STN1: variants seen among roughly 807,000 people sequenced by gnomAD.
The protein encoded by STN1 is CST complex subunit STN1.
Under a neutral mutation model 45.5 loss-of-function variants are expected in STN1, and 29 were observed. The observed-to-expected ratio is 0.64, with a 90% CI of 0.47 to 0.87. The LOEUF is 0.87. Among genes scored for constraint, STN1 ranks in the 40% least tolerant of loss-of-function variants. The probability of loss-of-function intolerance (pLI) is 0.00; values close to 1 mark genes in which losing one functional copy is unlikely to be tolerated. For missense variants in STN1, 376 were observed against 441.4 expected (o/e 0.85, Z 1.33); for synonymous variants, 148 against 159.0 (o/e 0.93, Z 0.52).
chr10:103,892,393 G>A lies in STN1; in HGVS notation c.754-141C>T, dbSNP rs974684601. ...AGTCAAAAAGATCCTGGTATGTACC[G>A]GCCTAGCAGGATGGTATTTAAGGAG... On this transcript the variant is annotated intron_variant, in intron 7 of 9. Transcript: ENST00000224950. 23 of 685,068 alleles carry A rather than the reference G, an allele frequency of 3.4e-5. 1 individual carries two copies. The highest frequency in any genetic ancestry group is 4.9e-4 in the Middle Eastern group (2 of 4,050). 42.4% of individuals were successfully genotyped at this position (685,068 alleles called of 1,614,324 possible). A position where few individuals can be genotyped will look rare whatever the true frequency, so the allele number is the denominator to read the frequency against.
At chr10:103,906,975 T>C (rs1843245475) in intron 3 of STN1, among the ~76,000 whole-genome samples, 1 of 152,202 alleles carries the variant, frequency 6.6e-6, no homozygotes, top group Non-Finnish European at 1.5e-5. Context: ...TTGTGAAATG[T>C]AAGCCAGGTG....
chr10:103,877,899 A>C lies in STN1; in HGVS notation c.*4785T>G, dbSNP rs536874342. 6.6e-6 allele frequency: 1 copy of C among 152,280 alleles called. No homozygotes were observed. The highest frequency in any genetic ancestry group is 2.4e-5 in the African/African-American group (1 of 41,548). The allele number at this position is 152,280 out of a possible 1,614,324, so 9.4% of individuals were successfully genotyped here. A position where few individuals can be genotyped will look rare whatever the true frequency, so the allele number is the denominator to read the frequency against. Reference sequence around the variant, plus strand: ...ATAAATGTAGTAAAAAAACAATGAGACGCTTCTTTGGGGCAACTGCTGTAG... The same window carrying C: ...ATAAATGTAGTAAAAAAACAATGAGCCGCTTCTTTGGGGCAACTGCTGTAG... On this transcript the variant is annotated 3_prime_UTR_variant, in exon 10 of 10. Transcript: ENST00000224950.
intron 2 of STN1, among the ~76,000 whole-genome samples, chr10:103,914,354 A>ATTTTTTTTTTTTT (rs1564636090): frequency 1.0e-4 from 2 of 19,842 alleles, no homozygotes; most frequent in African/African-American, 2.6e-4. Flanking sequence ...ATATATATAT[A>ATTTTTTTTTTTTT]TATATATATA....
At position 103,910,587 on chromosome 10, in the gene STN1, CCTGTTTT is replaced by C; in HGVS notation, c.162_168del (p.Ile54MetfsTer2). 6.2e-7 allele frequency: 1 copy of C among 1,610,380 alleles called. No individual in the cohort carries two copies. The highest frequency in any genetic ancestry group is 8.5e-7 in the Non-Finnish European group (1 of 1,177,122). On this transcript the variant is annotated frameshift_variant, in exon 3 of 10. Transcript: ENST00000224950. LOFTEE classifies it high-confidence loss of function. The stretch of plus-strand genomic sequence containing the variant: ...CCAATGACAGTTCCCAAGACATCTA[CCTGTTTT>C]ATTGGATGTCCATTGTACAAAAATA...
chr10:103,880,626 T>C lies in STN1; in HGVS notation c.*2058A>G, dbSNP rs1843062339. Among the ~76,000 whole-genome samples, 2 of 152,190 alleles carry C rather than the reference T, an allele frequency of 1.3e-5. No individual in the cohort carries two copies. Among genetic ancestry groups the C allele is most frequent in the East Asian group, 1.9e-4 (1 of 5,198 alleles). ...GGAGATGTCAGTAGCAAACTGAATA[T>C]AGGGGTCTGCAGTTCAGGGAAGAGG... is the stretch of plus-strand genomic sequence containing the variant. On this transcript the variant is annotated 3_prime_UTR_variant, in exon 10 of 10. Transcript: ENST00000224950.
At chr10:103,892,669 G>T (rs1589497708) in intron 7 of STN1, among the ~76,000 whole-genome samples, 1 of 151,996 alleles carries the variant, frequency 6.6e-6, no homozygotes, top group Non-Finnish European at 1.5e-5. Flanking sequence ...TTGTATGTTG[G>T]AATAATTTGG....
chr10:103,916,028 G>A (rs983025556), intron 2 of STN1, among the ~76,000 whole-genome samples: 5 of 152,206 alleles, frequency 3.3e-5, no homozygotes, highest in Non-Finnish European at 5.9e-5. Context: ...GTGTGGCCCA[G>A]TTCCTAATGG....
intron 1 of STN1, 141 bp from the exon 2 acceptor site, chr10:103,917,797 A>G: frequency 1.9e-6 from 1 of 539,460 alleles, no homozygotes; most frequent in African/African-American, 1.9e-5. Flanking sequence ...ACTCCATGCC[A>G]CGGGGCGTGT....
rs116086716 is a variant in STN1, at chr10:103,890,022, C to T, written c.877-878G>A. Among the ~76,000 whole-genome samples, 1,095 of 151,954 alleles carry T rather than the reference C, an allele frequency of 7.2e-3. 14 individuals are homozygous for T. The highest frequency in any genetic ancestry group is 0.024 in the African/African-American group (1,013 of 41,444). On this transcript the variant is annotated intron_variant, in intron 8 of 9. Coordinates refer to ENST00000224950, the MANE Select transcript of STN1 (RefSeq NM_024928.5). ...ACCTGGCCAACTTAGTCTTTTTTAA[C>T]CAGCTCAGATTAAGAGGGAAGCAGC...
At chr10:103,911,090 TAA>T (rs552320372) in intron 2 of STN1, among the ~76,000 whole-genome samples, 3 of 149,714 alleles carry the variant, frequency 2.0e-5, no homozygotes, top group Non-Finnish European at 1.5e-5. Flanking sequence ...GCATTTTTTT[TAA>T]AAAAAAACAG....
intron 2 of STN1, among the ~76,000 whole-genome samples, chr10:103,913,069 C>T (rs1225657493): frequency 2.0e-5 from 3 of 152,188 alleles, no homozygotes; most frequent in Non-Finnish European, 4.4e-5. Flanking sequence ...CAAGGAGATC[C>T]TAGCATATAC....
intron 3 of STN1, among the ~76,000 whole-genome samples, chr10:103,905,900 T>C (rs1197980105): frequency 6.6e-6 from 1 of 152,152 alleles, no homozygotes; most frequent in Admixed American, 6.5e-5. Flanking sequence ...ACAGAGGAAT[T>C]TGGAGATGTT....
chr10:103,893,978 T>A (rs1225570281), intron 7 of STN1, among the ~76,000 whole-genome samples: 1 of 152,142 alleles, frequency 6.6e-6, no homozygotes, highest in African/African-American at 2.4e-5. Flanking sequence ...ATTTGACAAC[T>A]CCCACAGGCA....
chr10:103,916,423 C>G (rs1348677698), intron 2 of STN1, among the ~76,000 whole-genome samples: 2 of 152,172 alleles, frequency 1.3e-5, no homozygotes, highest in East Asian at 3.9e-4. Flanking sequence ...AAAACACAGA[C>G]CATTTCCAAC....
At chr10:103,917,258 TAAAAA>T (rs5787502) in intron 2 of STN1, among the ~76,000 whole-genome samples, 199 bp downstream of exon 2, 23 of 90,680 alleles carry the variant, frequency 2.5e-4, no homozygotes, top group Middle Eastern at 0.011. Flanking sequence ...AAACACCTAC[TAAAAA>T]AAAAAAAAAA....
intron 4 of STN1, among the ~76,000 whole-genome samples, chr10:103,900,692 T>C (rs1342307271): frequency 2.7e-5 from 2 of 74,698 alleles, no homozygotes; most frequent in African/African-American, 6.9e-5. Flanking sequence ...GGCTAATCTC[T>C]CTGTCTCTCT....
intron 2 of STN1, among the ~76,000 whole-genome samples, chr10:103,915,162 C>T (rs1300845603): frequency 1.3e-5 from 2 of 152,190 alleles, no homozygotes; most frequent in Non-Finnish European, 2.9e-5. Context: ...CCTGACACAC[C>T]AACACATGAT....
intron 2 of STN1, among the ~76,000 whole-genome samples, chr10:103,913,211 A>T (rs1843303252): frequency 6.6e-6 from 1 of 152,246 alleles, no homozygotes; most frequent in Admixed American, 6.5e-5. Context: ...CAAACCAATG[A>T]AGTACTCAAG....
chr10:103,889,243 A>T, intron 8 of STN1, 99 bp from the exon 9 acceptor site: 1 of 762,158 alleles, frequency 1.3e-6, no homozygotes, highest in Non-Finnish European at 2.3e-6. Context: ...GTTTCTAAAG[A>T]TTACATAATA....
Sources: gnomAD v4.1 joint callset for allele counts (sites outside exome capture counted in the v4.1 genomes callset) on GRCh38, gnomAD v4.1.1 for gene constraint, MANE v1.5 for transcripts, NCBI Gene and HGNC (gene_info 2026-07-23, HGNC 2026-07-21) for gene names.